TNS3: variants seen among roughly 807,000 people sequenced by gnomAD.
TNS3 encodes tensin 3, also known as tensin-3.
TNS3 carries 45 observed loss-of-function variants against 140.9 expected under a neutral mutation model. The observed-to-expected ratio is 0.32, with a 90% CI of 0.25 to 0.41. The LOEUF (loss-of-function observed/expected upper bound fraction) is 0.41, where lower values mean the gene tolerates loss of function less well. Ranked by LOEUF, TNS3 falls within the 10% of genes least tolerant of loss-of-function variation. The probability of loss-of-function intolerance (pLI) is 1.00; values close to 1 mark genes in which losing one functional copy is unlikely to be tolerated. For missense variants in TNS3, 1,716 were observed against 1,906.7 expected (o/e 0.90, Z 1.86); for synonymous variants, 815 against 788.4 (o/e 1.03, Z -0.56).
chr7:47,423,954 T>C, intron 10 of TNS3, 147 bp downstream of exon 10: 1 of 783,598 alleles, frequency 1.3e-6, no homozygotes, highest in Non-Finnish European at 2.0e-6. Context: ...GGGACAAGTC[T>C]CCCCACCACC....
chr7:47,305,044 G>A, intron 20 of TNS3, 41 bp from the exon 21 acceptor site: 2 of 1,317,610 alleles, frequency 1.5e-6, no homozygotes. Flanking sequence ...CTCGGTTGTA[G>A]GACTGGAGAA....
At chr7:47,569,594 C>T (rs889298066) in intron 1 of TNS3, among the ~76,000 whole-genome samples, 3 of 151,906 alleles carry the variant, frequency 2.0e-5, no homozygotes, top group Non-Finnish European at 4.4e-5. Flanking sequence ...TGGCTCACGT[C>T]TGTAATCCTA....
In TNS3 at chr7:47,439,754, T is replaced by C. The variant is rs1795370219; in HGVS notation, c.-22-96A>G. ...GTGAAGACGACGGACACTCATCCCC[T>C]GGGTGTTCACATCAGCACCTGGGCG... is the stretch of plus-strand genomic sequence containing the variant. On this transcript the variant is annotated intron_variant, in intron 5 of 30. Coordinates refer to ENST00000311160, the MANE Select transcript of TNS3 (RefSeq NM_022748.12). 4 of 1,352,926 alleles carry C rather than the reference T, an allele frequency of 3.0e-6. No individual in the cohort carries two copies. In the Admixed American group the frequency reaches 6.1e-5, roughly 21 times the overall value. The allele number at this position is 1,352,926 out of a possible 1,614,324, so 83.8% of individuals were successfully genotyped here.
chr7:47,327,066 G>A (rs189279561), intron 20 of TNS3, among the ~76,000 whole-genome samples: 43 of 152,298 alleles, frequency 2.8e-4, no homozygotes, highest in Non-Finnish European at 5.0e-4. Context: ...GGGAGCAGAT[G>A]CCCAGGAGGC....
intron 4 of TNS3, among the ~76,000 whole-genome samples, chr7:47,466,985 G>A (rs756901364): frequency 4.9e-4 from 74 of 152,230 alleles, no homozygotes; most frequent in Admixed American, 2.1e-3. Flanking sequence ...AGGGAGTGCT[G>A]TGGTGATGAC....
chr7:47,402,675 C>A (rs1176160452), intron 13 of TNS3, among the ~76,000 whole-genome samples: 1 of 152,138 alleles, frequency 6.6e-6, no homozygotes, highest in Non-Finnish European at 1.5e-5. Flanking sequence ...AAGGGTAAAT[C>A]CACACATGCA....
chr7:47,545,857 C>A (rs1218506762), intron 1 of TNS3, among the ~76,000 whole-genome samples: 1 of 152,226 alleles, frequency 6.6e-6, no homozygotes, highest in Non-Finnish European at 1.5e-5. Flanking sequence ...CTCAAATCCC[C>A]TGCAGGAGCT....
intron 1 of TNS3, chr7:47,556,971 C>T (rs983524963): frequency 1.1e-4 from 51 of 453,908 alleles, no homozygotes; most frequent in Non-Finnish European, 2.2e-4. Context: ...CAGTCCCTGC[C>T]ACCAAGCCAT....
At chr7:47,383,202 T>A (rs1791875876) in intron 16 of TNS3, among the ~76,000 whole-genome samples, 1 of 152,160 alleles carries the variant, frequency 6.6e-6, no homozygotes, top group South Asian at 2.1e-4. Flanking sequence ...CAGAGTGTGG[T>A]GTGTCCACAC....
chr7:47,421,693 G>C (rs1243661489), intron 10 of TNS3, among the ~76,000 whole-genome samples: 1 of 152,190 alleles, frequency 6.6e-6, no homozygotes, highest in African/African-American at 2.4e-5. Flanking sequence ...ACACTGGGGT[G>C]TCAACAAGCT....
chr7:47,478,283 A>C (rs995297207), intron 4 of TNS3, among the ~76,000 whole-genome samples: 4 of 152,124 alleles, frequency 2.6e-5, no homozygotes, highest in Non-Finnish European at 4.4e-5. Flanking sequence ...GCATTTCTAT[A>C]GGTCCCCAGG....
In TNS3 at chr7:47,278,154, C is replaced by A. The variant is rs747664146; in HGVS notation, c.4260G>T (p.Glu1420Asp). The change falls in exon 31 of 31, where the codon GAG becomes GAT. Residue 1420 changes from glutamate (E) to aspartate (D), a missense_variant. Physicochemically the swap from Glu to Asp is conservative, Grantham distance 45 (BLOSUM62 2). This residue lies in a region of TNS3 where 216 missense variants were observed against 295.7 expected (regional missense o/e 0.73). Coordinates refer to ENST00000311160, the MANE Select transcript of TNS3 (RefSeq NM_022748.12). The stretch of plus-strand genomic sequence containing the variant: ...CACTGGCAGGCTGCTCAGGGTCATG[C>A]TCTGCAAACAGGTGGCACACATTAT... ...ATDNVCHLFA[E>D]HDPEQPASAI... The A allele has an allele frequency of 1.2e-6, 2 of 1,614,142 alleles. No individual in the cohort carries two copies. Among genetic ancestry groups the A allele is most frequent in the Non-Finnish European group, 1.7e-6 (2 of 1,180,016 alleles).
intron 20 of TNS3, among the ~76,000 whole-genome samples, chr7:47,331,021 C>T (rs1486299586): frequency 6.6e-6 from 1 of 152,156 alleles, no homozygotes; most frequent in African/African-American, 2.4e-5. Context: ...CTACTCCCAG[C>T]GATCAGGTGA....
At chr7:47,512,145 A>G (rs1798636044) in intron 2 of TNS3, among the ~76,000 whole-genome samples, 1 of 152,160 alleles carries the variant, frequency 6.6e-6, no homozygotes, top group Admixed American at 6.5e-5. Context: ...GGCAGAGCCC[A>G]CCTCCCAGAG....
Position 47,376,520 on chromosome 7 carries a change from C to T in TNS3, c.1025-6899G>A, listed in dbSNP as rs74342815. On this transcript the variant is annotated intron_variant, in intron 16 of 30. Transcript: ENST00000311160. ...GATCCTACTCAATTCCCAAAGCAAT[C>T]CTGTGAAGCAGGAAACGGGAAGTCC... Among the ~76,000 whole-genome samples, 457 of 152,286 alleles carry T rather than the reference C, an allele frequency of 3.0e-3. 5 individuals are homozygous for T. The highest frequency in any genetic ancestry group is 0.011 in the African/African-American group (440 of 41,556).
chr7:47,439,692 G>C, intron 5 of TNS3, 34 bp from the exon 6 acceptor site: 1 of 1,606,850 alleles, frequency 6.2e-7, no homozygotes, highest in Non-Finnish European at 8.5e-7. Flanking sequence ...CAGAAACAGG[G>C]TAAGGAGGCA....
chr7:47,405,030 A>C (rs572269477), intron 13 of TNS3, among the ~76,000 whole-genome samples: 1 of 152,342 alleles, frequency 6.6e-6, no homozygotes, highest in African/African-American at 2.4e-5. Flanking sequence ...TGGAATTCTC[A>C]AAGAAGTTAT....
At chr7:47,487,126 C>T (rs948941583) in intron 3 of TNS3, among the ~76,000 whole-genome samples, 1 of 152,078 alleles carries the variant, frequency 6.6e-6, no homozygotes, top group Admixed American at 6.6e-5. Context: ...TGGCAAAACC[C>T]CGTCTCTACT....
At chr7:47,434,609 C>T (rs539200442) in intron 8 of TNS3, among the ~76,000 whole-genome samples, 2 of 152,280 alleles carry the variant, frequency 1.3e-5, no homozygotes, top group East Asian at 3.9e-4. Flanking sequence ...AGGAGCAGTA[C>T]AAAGCAGTTG....
Sources: allele counts gnomAD v4.1 joint callset (sites outside exome capture counted in the v4.1 genomes callset), GRCh38; gene constraint gnomAD v4.1.1; regional missense constraint gnomAD v4.1.1; transcripts MANE v1.5; gene names NCBI Gene and HGNC (gene_info 2026-07-23, HGNC 2026-07-21).